The following PRKN variants were observed in gnomAD, a reference collection of about 807,000 sequenced individuals.
The protein encoded by PRKN is E3 ubiquitin-protein ligase parkin.
Under a neutral mutation model 59.5 loss-of-function variants are expected in PRKN, and 56 were observed. The ratio of observed to expected loss-of-function variants is 0.94; its 90% confidence interval spans 0.76 to 1.18. The LOEUF (loss-of-function observed/expected upper bound fraction) is 1.18, where lower values mean the gene tolerates loss of function less well. Ranked by LOEUF, PRKN falls within the 50% of genes most tolerant of loss-of-function variation. The pLI is 0.00. For synonymous variants in PRKN, 250 were observed against 222.1 expected (o/e 1.13, Z -1.12); for missense variants, 657 against 596.4 (o/e 1.10, Z -1.06).
At chr6:162,118,592 C>A (rs1780775856) in intron 4 of PRKN, among the ~76,000 whole-genome samples, 1 of 152,114 alleles carries the variant, frequency 6.6e-6, no homozygotes. Flanking sequence ...AAGCAAAAGG[C>A]CTGAAGTCCT....
chr6:161,528,338 G>A (rs1375128383), intron 9 of PRKN, among the ~76,000 whole-genome samples: 1 of 152,138 alleles, frequency 6.6e-6, no homozygotes. Flanking sequence ...ACGCAATGTG[G>A]CCTCTCATAC....
In PRKN at chr6:161,555,952, C is replaced by T. The variant is rs962769565; in HGVS notation, c.934-6949G>A. Among the ~76,000 whole-genome samples, 20 of 152,112 alleles carry T rather than the reference C, an allele frequency of 1.3e-4. 1 individual carries two copies. Among genetic ancestry groups the T allele is most frequent in the Non-Finnish European group, 4.4e-5 (3 of 67,994 alleles). Reference sequence around the variant, plus strand: ...AAATAATTTTTTAAAATAAGTTGCTCTTAAGTAATTGACTATTTTCTCATT... The same window carrying T: ...AAATAATTTTTTAAAATAAGTTGCTTTTAAGTAATTGACTATTTTCTCATT... On this transcript the variant is annotated intron_variant, in intron 8 of 11. Coordinates refer to ENST00000366898, the MANE Select transcript of PRKN (RefSeq NM_004562.3).
At chr6:161,896,907 T>C (rs1188114028) in intron 6 of PRKN, among the ~76,000 whole-genome samples, 1 of 152,232 alleles carries the variant, frequency 6.6e-6, no homozygotes, top group African/African-American at 2.4e-5. Flanking sequence ...CCCGTCATTG[T>C]TGTAGAAAGG....
At chr6:162,304,973 ATCTATAGG>A (rs1300377158) in intron 2 of PRKN, among the ~76,000 whole-genome samples, 2 of 152,162 alleles carry the variant, frequency 1.3e-5, no homozygotes, top group Non-Finnish European at 2.9e-5. Context: ...CTCCCAACCC[ATCTATAGG>A]TCACATTCAG....
chr6:161,374,577 G>C (rs998353242), intron 10 of PRKN, among the ~76,000 whole-genome samples: 10 of 26,272 alleles, frequency 3.8e-4, no homozygotes, highest in Non-Finnish European at 8.6e-4. Context: ...GTGTGTAATG[G>C]GTGTGTGGTG....
At chr6:161,702,839 T>C (rs1786310386) in intron 7 of PRKN, among the ~76,000 whole-genome samples, 1 of 152,118 alleles carries the variant, frequency 6.6e-6, no homozygotes, top group Non-Finnish European at 1.5e-5. Flanking sequence ...TGAGGCCTGA[T>C]ACCAAAAGCA....
At chr6:161,929,517 C>T (rs77311718) in intron 6 of PRKN, among the ~76,000 whole-genome samples, 38 of 72,262 alleles carry the variant, frequency 5.3e-4, no homozygotes, top group African/African-American at 9.2e-4. Flanking sequence ...AATTTCACCT[C>T]TTTTTTTTTT....
chr6:162,274,786 A>C (rs1036165934), intron 2 of PRKN, among the ~76,000 whole-genome samples: 2 of 152,108 alleles, frequency 1.3e-5, no homozygotes, highest in Non-Finnish European at 2.9e-5. Flanking sequence ...TATTATAGAA[A>C]ATTTTATATT....
intron 3 of PRKN, among the ~76,000 whole-genome samples, chr6:162,241,019 G>A (rs1171749063): frequency 1.3e-5 from 2 of 152,108 alleles, no homozygotes; most frequent in South Asian, 2.1e-4. Context: ...AAGCAGATTT[G>A]GAGTTGACTT....
intron 2 of PRKN, among the ~76,000 whole-genome samples, chr6:162,346,661 A>C (rs1183850850): frequency 1.3e-5 from 2 of 151,816 alleles, no homozygotes; most frequent in East Asian, 3.9e-4. Context: ...AAAGTCCTCT[A>C]TTTCTAGTTT....
intron 5 of PRKN, among the ~76,000 whole-genome samples, chr6:162,000,035 C>T (rs981806995): frequency 6.6e-5 from 10 of 151,966 alleles, no homozygotes; most frequent in African/African-American, 1.4e-4. Context: ...TATATTTTTC[C>T]ATCCATCTAC....
intron 1 of PRKN, among the ~76,000 whole-genome samples, chr6:162,602,433 A>G (rs35449999): frequency 0.099 from 15,148 of 152,290 alleles, 899 homozygotes; most frequent in Middle Eastern, 0.18. Flanking sequence ...AAGCCAGAAC[A>G]CTGTGTCTTG....
Position 162,165,235 on chromosome 6 carries a change from A to G in PRKN, c.534+35896T>C, listed in dbSNP as rs1211962586. On this transcript the variant is annotated intron_variant, in intron 4 of 11. Coordinates refer to ENST00000366898, the MANE Select transcript of PRKN (RefSeq NM_004562.3). ...AAAACTATGGAGCTTCTGGAAAAAA[A>G]AATAGGAGAATATTTCATGAGTTGG... is the stretch of plus-strand genomic sequence containing the variant. Among the ~76,000 whole-genome samples the G allele has an allele frequency of 1.3e-5, 2 of 149,122 alleles. 1 individual carries two copies. Among genetic ancestry groups the G allele is most frequent in the Non-Finnish European group, 3.0e-5 (2 of 67,408 alleles).
chr6:161,483,709 C>A lies in PRKN; in HGVS notation c.1083+65145G>T, dbSNP rs1370279971. On this transcript the variant is annotated intron_variant, in intron 9 of 11. Transcript: ENST00000366898. This position sits in a 1 kb window ranked among gnomAD's most constrained non-coding sequence, Gnocchi z 5.0. ...GACCTCTTCTACTTATTTCTTAAGG[C>A]ATGGGAGTGGCATAGTGAGATCCTG... is the stretch of plus-strand genomic sequence containing the variant. 6.6e-6 allele frequency among the ~76,000 whole-genome samples: 1 copy of A among 152,130 alleles called. No homozygotes were observed. Among genetic ancestry groups the A allele is most frequent in the Non-Finnish European group, 1.5e-5 (1 of 68,034 alleles).
At chr6:162,290,618 A>C (rs1781389878) in intron 2 of PRKN, among the ~76,000 whole-genome samples, 1 of 152,200 alleles carries the variant, frequency 6.6e-6, no homozygotes, top group African/African-American at 2.4e-5. Context: ...TATTATGACA[A>C]TATTAATGCC....
intron 2 of PRKN, among the ~76,000 whole-genome samples, chr6:162,413,348 G>A (rs573777604): frequency 6.6e-6 from 1 of 152,240 alleles, no homozygotes; most frequent in Non-Finnish European, 1.5e-5. Context: ...AGTTATGAGG[G>A]AGCGGTCTAC....
rs112912850 is a variant in PRKN, at chr6:161,704,136, G to A, written c.871+81636C>T. ...CTCCCAAAGTGCTGGGATTGCAGGT[G>A]TTAGCCACCACGCCCGGCCGAGGAC... is the stretch of plus-strand genomic sequence containing the variant. On this transcript the variant is annotated intron_variant, in intron 7 of 11. Coordinates refer to ENST00000366898, the MANE Select transcript of PRKN (RefSeq NM_004562.3). Among the ~76,000 whole-genome samples the A allele has an allele frequency of 8.5e-3, 1,298 of 152,186 alleles. 16 individuals carry two copies. The highest frequency in any genetic ancestry group is 0.03 in the African/African-American group (1,230 of 41,530).
chr6:161,944,624 G>C lies in PRKN; in HGVS notation c.734+28678C>G, dbSNP rs141967879. ...GCAGACTGTCTGGATCACTTTCTGG[G>C]GGCCAAGCACAGTGTCTGCTAAGAA... On this transcript the variant is annotated intron_variant, in intron 6 of 11. Transcript: ENST00000366898. 7.2e-4 allele frequency among the ~76,000 whole-genome samples: 109 copies of C among 152,162 alleles called. 1 individual carries two copies. The highest frequency in any genetic ancestry group is 2.6e-3 in the African/African-American group (107 of 41,506).
rs541974398 is a variant in PRKN at position 161,471,286 on chromosome 6, C to G, written c.1083+77568G>C. Among the ~76,000 whole-genome samples the G allele has an allele frequency of 3.3e-5, 5 of 152,302 alleles. No homozygotes were observed. The highest frequency in any genetic ancestry group is 7.4e-5 in the Non-Finnish European group (5 of 68,026). On this transcript the variant is annotated intron_variant, in intron 9 of 11. Transcript: ENST00000366898. This position sits in a 1 kb window ranked among gnomAD's most constrained non-coding sequence, Gnocchi z 4.5. ...CAAACATTAGCAGAGTCTGCAATGT[C>G]TGAGTTTTGGGGTTATGGGGATGTT... is the stretch of plus-strand genomic sequence containing the variant.
Sources: allele counts gnomAD v4.1 joint callset (sites outside exome capture counted in the v4.1 genomes callset), GRCh38; gene constraint gnomAD v4.1.1; non-coding constraint Gnocchi (gnomAD v3.1); transcripts MANE v1.5; gene names NCBI Gene and HGNC (gene_info 2026-07-23, HGNC 2026-07-21).